Variants in TOGARAM1 observed in about 807,000 individuals in gnomAD.
The protein encoded by TOGARAM1 is TOG array regulator of axonemal microtubules protein 1.
TOGARAM1 carries 100 observed loss-of-function variants against 166.6 expected under a neutral mutation model. The observed-to-expected ratio is 0.60, with a 90% CI of 0.51 to 0.71. The LOEUF is 0.71. Among genes scored for constraint, TOGARAM1 ranks in the 30% least tolerant of loss-of-function variants. The pLI, the probability that TOGARAM1 is intolerant of heterozygous loss-of-function variation, is 0.00. For synonymous variants in TOGARAM1, 758 were observed against 763.8 expected, an observed-to-expected ratio of 0.99 and a Z score of 0.13; for missense variants, 2,029 against 2,102.7, an observed-to-expected ratio of 0.96 and a Z score of 0.69.
chr14:45,018,911 T>C (rs1187721879), intron 7 of TOGARAM1, among the ~76,000 whole-genome samples: 1 of 152,250 alleles, frequency 6.6e-6, no homozygotes. Flanking sequence ...TCACTGCTAG[T>C]GGCTTCCTTT....
intron 1 of TOGARAM1, among the ~76,000 whole-genome samples, chr14:44,988,347 C>G (rs1264881388): frequency 2.0e-5 from 3 of 152,280 alleles, no homozygotes; most frequent in Non-Finnish European, 2.9e-5. Context: ...ATTGAAACAG[C>G]TTGTTCCAGC....
chr14:45,032,167 TA>T, intron 10 of TOGARAM1, 55 bp from the exon 11 acceptor site: 3 of 1,525,166 alleles, frequency 2.0e-6, no homozygotes, highest in Non-Finnish European at 1.8e-6. Context: ...CTCAAAAAGA[TA>T]AAAATTTTTT....
In TOGARAM1 at chr14:44,995,562, T is replaced by C. The variant is rs1259153343; in HGVS notation, c.2047-184T>C. 3 of 618,648 alleles carry C rather than the reference T, an allele frequency of 4.8e-6. No homozygotes were observed. In the African/African-American group the frequency reaches 5.4e-5, roughly 11 times the overall value. The allele number at this position is 618,648 out of a possible 1,614,324, so 38.3% of individuals were successfully genotyped here. On this transcript the variant is annotated intron_variant, in intron 1 of 19. Transcript: ENST00000361462. ...AAGAAAAAACAATTAGCATTTCTCTTCTGGAATGAAAAGTACTGTTGGTGT... is the reference window on the plus strand; with the variant it reads ...AAGAAAAAACAATTAGCATTTCTCTCCTGGAATGAAAAGTACTGTTGGTGT...
chr14:45,068,253 G>C (rs1594709693), intron 17 of TOGARAM1, among the ~76,000 whole-genome samples, 171 bp from the exon 18 acceptor site: 1 of 152,060 alleles, frequency 6.6e-6, no homozygotes, highest in East Asian at 1.9e-4. Flanking sequence ...CTTAGATTTA[G>C]TACCCAAATT....
chr14:44,962,813 G>T lies in TOGARAM1; in HGVS notation c.392G>T (p.Arg131Leu). ...CGGGGCGGTCGACTTGGCTTCCCCC[G>T]ACGCAAGGAAGCTTTGTATCGGGCA... ...PRRGGRLGFP[R>L]RKEALYRALG... The change falls in exon 1 of 20, where the codon CGA (arginine) becomes CTA (leucine). Residue 131 changes from arginine (R) to leucine (L), a missense_variant. By Grantham distance (102) the Arg-to-Leu change is moderately radical. This residue lies in a region of TOGARAM1 where 1,453 missense variants were observed against 1,432.2 expected (regional missense o/e 1.01). Coordinates refer to ENST00000361462, the MANE Select transcript of TOGARAM1 (RefSeq NM_001308120.2). 1 of 1,612,668 alleles carries T rather than the reference G, an allele frequency of 6.2e-7. No homozygotes were observed. The highest frequency in any genetic ancestry group is 8.5e-7 in the Non-Finnish European group (1 of 1,179,994).
chr14:44,997,682 A>G (rs535539250), intron 2 of TOGARAM1, among the ~76,000 whole-genome samples: 134 of 152,274 alleles, frequency 8.8e-4, no homozygotes, highest in African/African-American at 3.2e-3. Context: ...ATATTCTTCA[A>G]CATACCCATC....
At chr14:44,969,130 C>CTTCCTTCCTTCT (rs1189123124) in intron 1 of TOGARAM1, among the ~76,000 whole-genome samples, 2 of 136,868 alleles carry the variant, frequency 1.5e-5, no homozygotes, top group African/African-American at 6.0e-5. Flanking sequence ...TCCTTCCTTC[C>CTTCCTTCCTTCT]TTCCTTCCTT....
Position 44,999,492 on chromosome 14 carries a change from A to C in TOGARAM1, c.2333A>C (p.Glu778Ala). Residue 778 changes from glutamate (E) to alanine (A), a missense_variant, in exon 3 of 20, where the codon GAA becomes GCA. Coordinates refer to ENST00000361462, the MANE Select transcript of TOGARAM1 (RefSeq NM_001308120.2). ...CTAGGGACAACTAGCAGTCATCAAG[A>C]AAAAGGTATAAGTTCCAAATTTACT... ...QFLGTTSSHQEKVYASLNFGS... is the reference protein window; with the variant it reads ...QFLGTTSSHQAKVYASLNFGS... The C allele has an allele frequency of 1.2e-6, 2 of 1,601,844 alleles. No homozygotes were observed. Among genetic ancestry groups the C allele is most frequent in the South Asian group, 2.3e-5 (2 of 88,284 alleles).
Position 44,962,772 on chromosome 14 carries a change from A to G in TOGARAM1, c.351A>G (p.Gln117=), listed in dbSNP as rs772013911. 6.2e-7 allele frequency: 1 copy of G among 1,612,994 alleles called. No homozygotes were observed. The highest frequency in any genetic ancestry group is 1.7e-5 in the Admixed American group (1 of 60,026). The change falls in exon 1 of 20, where the codon CAA becomes CAG. Residue 117 remains glutamine (Q), a synonymous_variant. Transcript: ENST00000361462. The part of the protein sequence containing the change: ...RDPSEAFQAL[Q]AALPRRGGRL... Reference sequence around the variant, plus strand: ...CTTCTGAGGCCTTCCAGGCTTTGCAAGCTGCTTTGCCGCGGCGGGGCGGTC... The same window carrying G: ...CTTCTGAGGCCTTCCAGGCTTTGCAGGCTGCTTTGCCGCGGCGGGGCGGTC...
chr14:45,034,701 A>G (rs1047444754), intron 11 of TOGARAM1, among the ~76,000 whole-genome samples: 7 of 152,204 alleles, frequency 4.6e-5, no homozygotes, highest in South Asian at 2.1e-4. Flanking sequence ...TTCCTACCCA[A>G]TGAAGTTTAA....
At chr14:44,993,562 A>C (rs559271273) in intron 1 of TOGARAM1, among the ~76,000 whole-genome samples, 24 of 152,292 alleles carry the variant, frequency 1.6e-4, no homozygotes, top group African/African-American at 5.5e-4. Flanking sequence ...AAATTTATGA[A>C]TTCTATTTTC....
At chr14:45,000,052 G>A (rs1236293086) in intron 3 of TOGARAM1, among the ~76,000 whole-genome samples, 1 of 152,012 alleles carries the variant, frequency 6.6e-6, no homozygotes, top group Non-Finnish European at 1.5e-5. Context: ...GAGTGTAATG[G>A]CAGGATCTCG....
intron 16 of TOGARAM1, among the ~76,000 whole-genome samples, chr14:45,059,287 C>T (rs528274318): frequency 4.3e-4 from 66 of 152,160 alleles, no homozygotes; most frequent in African/African-American, 1.4e-3. Context: ...CAGGGATCCT[C>T]CCACGTTAGC....
intron 2 of TOGARAM1, 116 bp from the exon 3 acceptor site, chr14:44,999,247 C>G: frequency 9.2e-7 from 1 of 1,087,314 alleles, no homozygotes; most frequent in East Asian, 2.6e-5. Context: ...CCTCACTGTA[C>G]TTAAACACTT....
At chr14:44,987,676 C>T (rs1182614341) in intron 1 of TOGARAM1, among the ~76,000 whole-genome samples, 1 of 149,718 alleles carries the variant, frequency 6.7e-6, no homozygotes, top group East Asian at 2.0e-4. Flanking sequence ...ACTAGTTCAA[C>T]CATTGTGGAA....
chr14:45,071,400 T>C (rs903290916), intron 18 of TOGARAM1, among the ~76,000 whole-genome samples: 5 of 152,014 alleles, frequency 3.3e-5, no homozygotes, highest in Non-Finnish European at 5.9e-5. Flanking sequence ...GTTTGGTTTG[T>C]TGGTTTTTAG....
chr14:44,968,408 C>T (rs553200508), intron 1 of TOGARAM1, among the ~76,000 whole-genome samples: 2 of 152,172 alleles, frequency 1.3e-5, no homozygotes, highest in East Asian at 1.9e-4. Context: ...TACAGGCACC[C>T]GCCACCATGC....
rs1594597777 is a variant in TOGARAM1 at position 44,964,401 on chromosome 14, A to G, written c.1980A>G (p.Pro660=). 26 of 1,612,668 alleles carry G rather than the reference A, an allele frequency of 1.6e-5. No individual in the cohort carries two copies. Among genetic ancestry groups the G allele is most frequent in the Non-Finnish European group, 2.0e-5 (24 of 1,179,258 alleles). ...CAGGAAAAGGAAAAAATAAATTACCATGGGAAAATGAGCAACCTGGAATCA... is the reference window on the plus strand; with the variant it reads ...CAGGAAAAGGAAAAAATAAATTACCGTGGGAAAATGAGCAACCTGGAATCA... ...LSAGKGKNKL[P]WENEQPGIMG... The change falls in exon 1 of 20, where the codon CCA becomes CCG. Residue 660 remains proline, a synonymous_variant. Coordinates refer to ENST00000361462, the MANE Select transcript of TOGARAM1 (RefSeq NM_001308120.2).
In TOGARAM1 at chr14:44,963,314, G is replaced by T. The variant is rs760806466; in HGVS notation, c.893G>T (p.Arg298Leu). 3 of 1,614,130 alleles carry T rather than the reference G, an allele frequency of 1.9e-6. No individual in the cohort carries two copies. Among genetic ancestry groups the T allele is most frequent in the Non-Finnish European group, 2.5e-6 (3 of 1,180,020 alleles). Reference sequence around the variant, plus strand: ...GACAGGTTTCAATCTTACATTTCTCGTCTGCCCTCTGCCCTGAGGAGACAC... The same window carrying T: ...GACAGGTTTCAATCTTACATTTCTCTTCTGCCCTCTGCCCTGAGGAGACAC... Reference protein sequence around the residue: ...GQDRFQSYISRLPSALRRHYN... With the variant: ...GQDRFQSYISLLPSALRRHYN... The change falls in exon 1 of 20, where the codon CGT becomes CTT. Residue 298 changes from arginine (R) to leucine (L), a missense_variant. Coordinates refer to ENST00000361462, the MANE Select transcript of TOGARAM1 (RefSeq NM_001308120.2).
Sources: gnomAD v4.1 joint callset for allele counts (sites outside exome capture counted in the v4.1 genomes callset) on GRCh38, gnomAD v4.1.1 for gene constraint, gnomAD v4.1.1 regional missense constraint, MANE v1.5 for transcripts, NCBI Gene and HGNC (gene_info 2026-07-23, HGNC 2026-07-21) for gene names.